Variants in PDE4D observed in about 807,000 individuals in gnomAD.
PDE4D encodes the protein phosphodiesterase 4D, also known as 3',5'-cyclic-AMP phosphodiesterase 4D.
PDE4D carries 24 observed loss-of-function variants against 87.4 expected under a neutral mutation model. The ratio of observed to expected loss-of-function variants is 0.27; its 90% CI spans 0.20 to 0.39. The LOEUF (loss-of-function observed/expected upper bound fraction) is 0.39. Ranked by LOEUF, PDE4D falls within the 10% of genes least tolerant of loss-of-function variation. The pLI, the probability that PDE4D is intolerant of heterozygous loss-of-function variation, is 1.00. For synonymous variants in PDE4D, 384 were observed against 383.2 expected (o/e 1.00, Z -0.02); for missense variants, 714 against 1,041.0 (o/e 0.69, Z 4.32).
intron 2 of PDE4D, among the ~76,000 whole-genome samples, chr5:60,048,575 T>G (rs1769634070): frequency 6.6e-6 from 1 of 152,144 alleles, no homozygotes; most frequent in Non-Finnish European, 1.5e-5. Flanking sequence ...TGACAAAATC[T>G]CTCAGCATTT....
At chr5:59,398,682 GCT>G (rs1789972408) in intron 1 of PDE4D, among the ~76,000 whole-genome samples, 1 of 113,684 alleles carries the variant, frequency 8.8e-6, no homozygotes, top group African/African-American at 3.7e-5. Flanking sequence ...AGACAGGGAT[GCT>G]CTCTCTCACC....
chr5:59,215,851 G>A lies in PDE4D; in HGVS notation c.573C>T (p.Phe191=), dbSNP rs1445888956. ...NFVHSQRRES[F]LYRSDSDYDL... ...CATAATCGCTGTCGGATCGATACAGGAAGGACTCCCGTCGTTGACTGTGGA... is the reference window on the plus strand; with the variant it reads ...CATAATCGCTGTCGGATCGATACAGAAAGGACTCCCGTCGTTGACTGTGGA... The change falls in exon 2 of 15, where the codon TTC becomes TTT. Residue 191 remains phenylalanine (F), a synonymous_variant. Transcript: ENST00000340635. 5.6e-6 allele frequency: 9 copies of A among 1,613,652 alleles called. No homozygotes were observed. Among genetic ancestry groups the A allele is most frequent in the Non-Finnish European group, 7.6e-6 (9 of 1,179,676 alleles).
At chr5:59,994,601 C>T (rs1235137915) in intron 2 of PDE4D, among the ~76,000 whole-genome samples, 1 of 152,034 alleles carries the variant, frequency 6.6e-6, no homozygotes, top group Non-Finnish European at 1.5e-5. Context: ...GTGAGTACAA[C>T]CCCCTATTTC....
chr5:59,926,773 A>G (rs1016242231), intron 3 of PDE4D, among the ~76,000 whole-genome samples: 1 of 152,204 alleles, frequency 6.6e-6, no homozygotes, highest in African/African-American at 2.4e-5. Flanking sequence ...TGGAAAAGCT[A>G]GAAGAAATGA....
rs112017270 is a variant in PDE4D, at chr5:60,091,445, C to T, written c.42+94112G>A. Among the ~76,000 whole-genome samples, 4 of 152,252 alleles carry T rather than the reference C, an allele frequency of 2.6e-5. 1 individual carries two copies. The highest frequency in any genetic ancestry group is 9.6e-5 in the African/African-American group (4 of 41,542). Reference sequence around the variant, plus strand: ...AAAAACACAATGATATATCATCCCACCCCAGTTTAAATGGTAATTATCAAA... The same window carrying T: ...AAAAACACAATGATATATCATCCCATCCCAGTTTAAATGGTAATTATCAAA... On this transcript the variant is annotated intron_variant, in intron 2 of 16. Coordinates refer to the PDE4D transcript ENST00000502484.
intron 2 of PDE4D, among the ~76,000 whole-genome samples, chr5:60,134,003 T>C (rs1269298679): frequency 6.6e-6 from 1 of 152,184 alleles, no homozygotes; most frequent in Admixed American, 6.5e-5. Flanking sequence ...AAATCATAGA[T>C]ACCTTCTTAT....
intron 2 of PDE4D, among the ~76,000 whole-genome samples, chr5:60,097,137 C>T (rs1425627591): frequency 6.6e-6 from 1 of 151,794 alleles, no homozygotes; most frequent in Non-Finnish European, 1.5e-5. Flanking sequence ...AAAGCCACAG[C>T]TAGGGAATGA....
Position 60,128,116 on chromosome 5 carries a change from A to C in PDE4D, c.42+57441T>G, listed in dbSNP as rs551083084. On this transcript the variant is annotated intron_variant, in intron 2 of 16. Transcript: ENST00000502484. ...TACCTAGAAGTTGGAAAAGATCTGC[A>C]ATAAGGCATATTAAACTCCTGAGAT... is the stretch of plus-strand genomic sequence containing the variant. 7.9e-5 allele frequency among the ~76,000 whole-genome samples: 12 copies of C among 152,318 alleles called. No homozygotes were observed. The East Asian group carries it at 1.9e-3, about 25-fold the overall frequency.
At chr5:59,801,808 C>T (rs1004531082) in intron 1 of PDE4D, among the ~76,000 whole-genome samples, 4 of 152,184 alleles carry the variant, frequency 2.6e-5, no homozygotes, top group Non-Finnish European at 5.9e-5. Context: ...AACACTTACC[C>T]ACCAGATCCT....
chr5:59,347,151 A>G lies in PDE4D; in HGVS notation c.456-131183T>C, dbSNP rs549493783. On this transcript the variant is annotated intron_variant, in intron 1 of 14. Coordinates refer to ENST00000340635, the MANE Select transcript of PDE4D (RefSeq NM_001104631.2). Reference sequence around the variant, plus strand: ...CTGATTCATTAACTTTCCATTCTTTATCTAAACACTGCCATTATGTGAAAA... The same window carrying G: ...CTGATTCATTAACTTTCCATTCTTTGTCTAAACACTGCCATTATGTGAAAA... Among the ~76,000 whole-genome samples the G allele has an allele frequency of 2.6e-5, 4 of 152,314 alleles. No individual in the cohort carries two copies. In the East Asian group the frequency reaches 7.7e-4, roughly 29 times the overall value.
intron 1 of PDE4D, among the ~76,000 whole-genome samples, chr5:59,706,060 T>C (rs1461449862): frequency 6.6e-6 from 1 of 152,170 alleles, no homozygotes; most frequent in East Asian, 1.9e-4. Context: ...TGACCACTAG[T>C]ACTCTTTCAG....
chr5:59,769,076 C>CTTT (rs34305501), intron 1 of PDE4D, among the ~76,000 whole-genome samples: 103 of 149,304 alleles, frequency 6.9e-4, no homozygotes, highest in Middle Eastern at 7.0e-3. Context: ...TTTTTTCTCT[C>CTTT]TTTTTTTTTT....
chr5:60,198,101 A>G (rs1741481617), intron 1 of PDE4D, among the ~76,000 whole-genome samples: 1 of 151,470 alleles, frequency 6.6e-6, no homozygotes, highest in Non-Finnish European at 1.5e-5. Flanking sequence ...TAGACATTAA[A>G]AATAACAAGC....
chr5:59,286,703 C>T (rs1284523026), intron 1 of PDE4D, among the ~76,000 whole-genome samples: 2 of 152,138 alleles, frequency 1.3e-5, no homozygotes, highest in Non-Finnish European at 2.9e-5. Flanking sequence ...TAAGCAATGA[C>T]TCCTCATTCT....
chr5:60,119,133 C>G (rs184304284), intron 2 of PDE4D, among the ~76,000 whole-genome samples: 1 of 152,272 alleles, frequency 6.6e-6, no homozygotes, highest in East Asian at 1.9e-4. Flanking sequence ...TTAAGGTATT[C>G]CACAATCTGA....
intron 1 of PDE4D, among the ~76,000 whole-genome samples, chr5:59,303,007 T>C (rs911923455): frequency 9.2e-5 from 14 of 152,210 alleles, no homozygotes; most frequent in African/African-American, 2.7e-4. Flanking sequence ...ACCAGCAGTG[T>C]AGAAGTGTTT....
rs577145171 is a variant in PDE4D at position 60,061,844 on chromosome 5, G to A, written c.43-73127C>T. Among the ~76,000 whole-genome samples the A allele has an allele frequency of 2.5e-3, 388 of 152,194 alleles. 3 individuals are homozygous for A. Among genetic ancestry groups the A allele is most frequent in the African/African-American group, 9.0e-3 (374 of 41,524 alleles). On this transcript the variant is annotated intron_variant, in intron 2 of 16. Transcript: ENST00000502484. ...GATTCCCTGTTTAATAAATGATGCTGGGAAAACTGGCTAGCTATATGCAGA... is the reference window on the plus strand; with the variant it reads ...GATTCCCTGTTTAATAAATGATGCTAGGAAAACTGGCTAGCTATATGCAGA...
rs577768276 is a variant in PDE4D, at chr5:59,091,338, C to T, written c.809-52367G>A. Among the ~76,000 whole-genome samples, 10 of 151,954 alleles carry T rather than the reference C, an allele frequency of 6.6e-5. No homozygotes were observed. In the East Asian group the frequency reaches 7.7e-4, roughly 12 times the overall value. On this transcript the variant is annotated intron_variant, in intron 5 of 14. Transcript: ENST00000340635. The stretch of plus-strand genomic sequence containing the variant: ...ATCAAGATACACGCACATAAGTGTT[C>T]GAAATATCTTTATTCATAATATTTC...
chr5:60,345,307 A>G (rs2149908437), intron 1 of PDE4D, among the ~76,000 whole-genome samples: 1 of 151,932 alleles, frequency 6.6e-6, no homozygotes, highest in South Asian at 2.1e-4. Flanking sequence ...GGGGTGGGGG[A>G]AGGGGGAGAG....
Sources: allele counts gnomAD v4.1 joint callset (sites outside exome capture counted in the v4.1 genomes callset), GRCh38; gene constraint gnomAD v4.1.1; transcripts MANE v1.5; gene names NCBI Gene and HGNC (gene_info 2026-07-23, HGNC 2026-07-21).